USF2: variants seen among roughly 807,000 people sequenced by gnomAD.
USF2 encodes the protein upstream stimulatory factor 2.
In USF2, 16 loss-of-function variants were observed where a neutral mutation model predicts 46.9. That is an observed-to-expected ratio of 0.34 (90% CI 0.23 to 0.52). The LOEUF (loss-of-function observed/expected upper bound fraction) is 0.52. USF2 is among the 20% of genes least tolerant of loss of function. The pLI is 0.96. For synonymous variants in USF2, 239 were observed against 194.1 expected (o/e 1.23, Z -1.92); for missense variants, 411 against 474.0 (o/e 0.87, Z 1.23).
intron 7 of USF2, 183 bp from the exon 8 acceptor site, chr19:35,278,515 T>G: frequency 1.6e-6 from 1 of 642,882 alleles, no homozygotes; most frequent in East Asian, 2.6e-5. Flanking sequence ...TCTTTGTTCC[T>G]CTTGAGAAGC....
chr19:35,273,273 C>T (rs2066184184), intron 7 of USF2, among the ~76,000 whole-genome samples: 1 of 152,214 alleles, frequency 6.6e-6, no homozygotes, highest in South Asian at 2.1e-4. Flanking sequence ...TCCGGTCACC[C>T]GTGGTGACCC....
chr19:35,270,307 C>A, intron 4 of USF2, 140 bp from the exon 5 acceptor site: 1 of 1,295,858 alleles, frequency 7.7e-7, no homozygotes, highest in Non-Finnish European at 1.0e-6. Context: ...GTTTGAAACA[C>A]AGGACAGAAT....
chr19:35,271,323 G>A (rs1231926582), intron 7 of USF2, among the ~76,000 whole-genome samples, 182 bp downstream of exon 7: 1 of 152,258 alleles, frequency 6.6e-6, no homozygotes, highest in Non-Finnish European at 1.5e-5. Context: ...AGTGTCAGAA[G>A]TAGAGGGACA....
In USF2 at chr19:35,269,447, C is replaced by T. The variant is rs754612332; in HGVS notation, c.64C>T (p.His22Tyr). ...TGCTCCCTCCTGTGCCCCTGGCAGC[C>T]ACGACAAGGGACCCGAGGCGGAGGA... ...ASATAAAAAS[H>Y]DKGPEAEEGV... Residue 22 changes from histidine to tyrosine, a missense_variant and splice_region_variant, in exon 2 of 10, where the codon CAC (histidine) becomes TAC (tyrosine). His to Tyr is a moderately conservative substitution (Grantham distance 83). Coordinates refer to ENST00000222305, the MANE Select transcript of USF2 (RefSeq NM_003367.4). 4 of 1,532,516 alleles carry T rather than the reference C, an allele frequency of 2.6e-6. No individual in the cohort carries two copies. The highest frequency in any genetic ancestry group is 1.2e-5 in the South Asian group (1 of 83,220). 94.9% of individuals were successfully genotyped at this position (1,532,516 alleles called of 1,614,324 possible). A position where few individuals can be genotyped will look rare whatever the true frequency, so the allele number is the denominator to read the frequency against.
rs1167469823 is a variant in USF2 at position 35,278,599 on chromosome 19, T to C, written c.728-99T>C. Reference sequence around the variant, plus strand: ...GCTGTGGTCTCGGTGGGGCCTGCACTGTTCCTGGGTGTCCTTGGGCTGAGC... The same window carrying C: ...GCTGTGGTCTCGGTGGGGCCTGCACCGTTCCTGGGTGTCCTTGGGCTGAGC... On this transcript the variant is annotated intron_variant, in intron 7 of 9. Transcript: ENST00000222305. 4.1e-6 allele frequency: 5 copies of C among 1,233,776 alleles called. No homozygotes were observed. In the Admixed American group the frequency reaches 9.1e-5, roughly 22 times the overall value. 76.4% of individuals were successfully genotyped at this position (1,233,776 alleles called of 1,614,324 possible).
chr19:35,274,359 G>A (rs747526153), intron 7 of USF2, among the ~76,000 whole-genome samples: 2 of 152,196 alleles, frequency 1.3e-5, no homozygotes, highest in Non-Finnish European at 2.9e-5. Flanking sequence ...TTTCTCTTCT[G>A]TGGTGATTTC....
At chr19:35,278,468 G>A (rs931516847) in intron 7 of USF2, 34 of 502,636 alleles carry the variant, frequency 6.8e-5, no homozygotes, top group African/African-American at 3.1e-4. Flanking sequence ...TTTGATGCCC[G>A]TCCTAAAAGC....
At chr19:35,276,846 C>G (rs1156593174) in intron 7 of USF2, 1 of 152,288 alleles carries the variant, frequency 6.6e-6, no homozygotes, top group Non-Finnish European at 1.5e-5. Context: ...GCCACTTGCC[C>G]ACAGTGGTGC....
rs895628323 is a variant in USF2, at chr19:35,279,274, C to G, written c.*18C>G. On this transcript the variant is annotated 3_prime_UTR_variant, in exon 10 of 10. Transcript: ENST00000222305. The stretch of plus-strand genomic sequence containing the variant: ...GGCAGTGACGCCCGCCACCACCACG[C>G]AGCCGCCGCCGCCCACGCCGGCCTC... 4.0e-6 allele frequency: 6 copies of G among 1,489,532 alleles called. No individual in the cohort carries two copies. In the Admixed American group the frequency reaches 9.1e-5, roughly 22 times the overall value. 92.3% of individuals were successfully genotyped at this position (1,489,532 alleles called of 1,614,324 possible).
At position 35,270,767 on chromosome 19, in the gene USF2, A is replaced by G. The variant is rs150711172; in HGVS notation, c.630A>G (p.Thr210=). The G allele has an allele frequency of 5.6e-5, 90 of 1,614,004 alleles. No homozygotes were observed. Among genetic ancestry groups the G allele is most frequent in the Non-Finnish European group, 7.2e-5 (85 of 1,180,022 alleles). The change falls in exon 6 of 10, where the codon ACA becomes ACG. Residue 210 remains threonine, a synonymous_variant. Transcript: ENST00000222305. Reference sequence around the variant, plus strand: ...CCCAGGATGTGCTTCAGACAGGAACACAGAGGACGATCGCCCCCCGGACAC... The same window carrying G: ...CCCAGGATGTGCTTCAGACAGGAACGCAGAGGACGATCGCCCCCCGGACAC... ...MTPQDVLQTG[T]QRTIAPRTHP...
At chr19:35,269,310 G>T in intron 1 of USF2, 136 bp from the exon 2 acceptor site, 1 of 868,066 alleles carries the variant, frequency 1.2e-6, no homozygotes, top group East Asian at 1.3e-4. Flanking sequence ...GGCGCCTCCC[G>T]CCCCCGGCCC....
intron 4 of USF2, 76 bp from the exon 5 acceptor site, chr19:35,270,371 C>A (rs781212418): frequency 6.4e-6 from 10 of 1,556,474 alleles, no homozygotes; most frequent in Non-Finnish European, 7.8e-6. Flanking sequence ...TGCAGTAAAC[C>A]CCAAGCACAG....
In USF2 at chr19:35,269,713, C is replaced by A. The variant is rs756101923; in HGVS notation, c.228+14C>A. 4 of 466,744 alleles carry A rather than the reference C, an allele frequency of 8.6e-6. No individual in the cohort carries two copies. The highest frequency in any genetic ancestry group is 7.5e-5 in the Admixed American group (1 of 13,312). 28.9% of individuals were successfully genotyped at this position (466,744 alleles called of 1,614,324 possible). Reference sequence around the variant, plus strand: ...AATGGAGGACAGGTGAGCGGCGGGCCGCGAGGGCGAACGGGCGGGCGGGCG... The same window carrying A: ...AATGGAGGACAGGTGAGCGGCGGGCAGCGAGGGCGAACGGGCGGGCGGGCG... On this transcript the variant is annotated intron_variant, in intron 3 of 9. Coordinates refer to ENST00000222305, the MANE Select transcript of USF2 (RefSeq NM_003367.4).
Position 35,270,513 on chromosome 19 carries a change from C to A in USF2, c.496C>A (p.Arg166=), listed in dbSNP as rs985418772. The A allele has an allele frequency of 6.8e-6, 11 of 1,614,118 alleles. No individual in the cohort carries two copies. Among genetic ancestry groups the A allele is most frequent in the Non-Finnish European group, 9.3e-6 (11 of 1,180,018 alleles). Residue 166 remains arginine (R), a synonymous_variant, in exon 5 of 10, where the codon CGA becomes AGA. Coordinates refer to ENST00000222305, the MANE Select transcript of USF2 (RefSeq NM_003367.4). The stretch of plus-strand genomic sequence containing the variant: ...GGCCGAGGCTGTCAGCGGGGAGGCA[C>A]GATTTGCCTATTTCCCAGCGTCCAG... ...PAAEAVSGEA[R]FAYFPASSVG...
chr19:35,273,115 A>C, intron 7 of USF2, among the ~76,000 whole-genome samples: 1 of 149,206 alleles, frequency 6.7e-6, no homozygotes, highest in East Asian at 2.0e-4. Context: ...AAACTTTCTC[A>C]CCCTGTGAAG....
At chr19:35,276,089 TGAGA>T (rs2066230071) in intron 7 of USF2, among the ~76,000 whole-genome samples, 1 of 148,310 alleles carries the variant, frequency 6.7e-6, no homozygotes. Context: ...TTTTTTTTTT[TGAGA>T]CAGAGTCTCG....
Position 35,271,080 on chromosome 19 carries a change from T to C in USF2, c.669-3T>C, listed in dbSNP as rs753582772. Reference sequence around the variant, plus strand: ...GCCCCCTTTTTTTTTCCTCCTCTTGTAGAAAAATTGATGGAACCAGAACAC... The same window carrying C: ...GCCCCCTTTTTTTTTCCTCCTCTTGCAGAAAAATTGATGGAACCAGAACAC... On this transcript the variant is annotated splice_polypyrimidine_tract_variant and splice_region_variant and intron_variant, in intron 6 of 9. Coordinates refer to ENST00000222305, the MANE Select transcript of USF2 (RefSeq NM_003367.4). 2.5e-6 allele frequency: 4 copies of C among 1,612,986 alleles called. No individual in the cohort carries two copies. The highest frequency in any genetic ancestry group is 4.5e-5 in the East Asian group (2 of 44,844).
In USF2 at chr19:35,279,647, C is replaced by T; in HGVS notation, c.*391C>T. ...GAGCCTTTGGGGGGCCACCCGGGGCCTGGACCTATGCAGGGAGGCCACGTC... is the reference window on the plus strand; with the variant it reads ...GAGCCTTTGGGGGGCCACCCGGGGCTTGGACCTATGCAGGGAGGCCACGTC... On this transcript the variant is annotated 3_prime_UTR_variant, in exon 10 of 10. Transcript: ENST00000222305. 1 of 228,056 alleles carries T rather than the reference C, an allele frequency of 4.4e-6. No homozygotes were observed. 14.1% of individuals were successfully genotyped at this position (228,056 alleles called of 1,614,324 possible).
chr19:35,271,318 C>T (rs1406202409), intron 7 of USF2, among the ~76,000 whole-genome samples, 177 bp downstream of exon 7: 1 of 152,224 alleles, frequency 6.6e-6, no homozygotes, highest in Non-Finnish European at 1.5e-5. Context: ...AGTACAGTGT[C>T]AGAAGTAGAG....
Sources: allele counts gnomAD v4.1 joint callset (sites outside exome capture counted in the v4.1 genomes callset), GRCh38; gene constraint gnomAD v4.1.1; transcripts MANE v1.5; gene names NCBI Gene and HGNC (gene_info 2026-07-23, HGNC 2026-07-21).